Variants in FSTL1 observed in about 807,000 individuals in gnomAD.
The protein encoded by FSTL1 is follistatin-related protein 1.
Under a neutral mutation model 45.9 loss-of-function variants are expected in FSTL1, and 24 were observed. That is an observed-to-expected ratio of 0.52 (90% CI 0.38 to 0.74). FSTL1 has a LOEUF of 0.74. Among genes scored for constraint, FSTL1 ranks in the 30% least tolerant of loss-of-function variants. The pLI is 0.00. For synonymous variants in FSTL1, 120 were observed against 137.6 expected, an observed-to-expected ratio of 0.87 and a Z score of 0.89; for missense variants, 340 against 381.8, an observed-to-expected ratio of 0.89 and a Z score of 0.91.
chr3:120,415,182 T>C (rs1341885997), intron 3 of FSTL1, among the ~76,000 whole-genome samples: 2 of 151,518 alleles, frequency 1.3e-5, no homozygotes, highest in African/African-American at 4.8e-5. Flanking sequence ...TTTTAAAAAT[T>C]TGCATATCCT....
intron 6 of FSTL1, 135 bp from the exon 7 acceptor site, chr3:120,405,106 T>A (rs1147701): frequency 0.97 from 601,813 of 621,812 alleles, 291,352 homozygotes; most frequent in East Asian, 1. Context: ...TCAGAGGGCC[T>A]TGGCAACAAA....
chr3:120,403,955 A>C (rs1936890240), intron 7 of FSTL1, among the ~76,000 whole-genome samples: 1 of 89,582 alleles, frequency 1.1e-5, no homozygotes, highest in Non-Finnish European at 2.3e-5. Context: ...CAAAAACAAA[A>C]CAAAACAAAA....
At position 120,411,901 on chromosome 3, in the gene FSTL1, C is replaced by A. The variant is rs751760368; in HGVS notation, c.251G>T (p.Cys84Phe). Residue 84 changes from cysteine (C) to phenylalanine (F), a missense_variant, in exon 4 of 11, where the codon TGC becomes TTC. Transcript: ENST00000295633. ...LNHCELHRDA[C>F]LTGSKIQVDY... is the part of the protein sequence containing the mutation. ...AACCTGGATTTTGGATCCAGTGAGG[C>A]AGGCATCTCGATGCAGTTCACAGTG... The A allele has an allele frequency of 2.5e-6, 4 of 1,613,468 alleles. No individual in the cohort carries two copies. The South Asian group carries it at 4.4e-5, about 18-fold the overall frequency.
rs886681505 is a variant in FSTL1 at position 120,450,945 on chromosome 3, C to T, written c.-49G>A. Reference sequence around the variant, plus strand: ...GGGGCGCGGGGCAGGACGGCGGCAGCGAGCTGTAAGCGGAGGTGGGAGCTC... The same window carrying T: ...GGGGCGCGGGGCAGGACGGCGGCAGTGAGCTGTAAGCGGAGGTGGGAGCTC... On this transcript the variant is annotated 5_prime_UTR_variant, in exon 1 of 11. Transcript: ENST00000295633. The T allele has an allele frequency of 1.9e-5, 9 of 473,040 alleles. No individual in the cohort carries two copies. Among genetic ancestry groups the T allele is most frequent in the Non-Finnish European group, 3.4e-5 (9 of 268,412 alleles). The allele number at this position is 473,040 out of a possible 1,614,324, so 29.3% of individuals were successfully genotyped here.
chr3:120,402,686 C>T, intron 9 of FSTL1, 122 bp downstream of exon 9: 1 of 693,516 alleles, frequency 1.4e-6, no homozygotes. Flanking sequence ...TGTGGGTCTG[C>T]CTGGGTTCCT....
intron 2 of FSTL1, among the ~76,000 whole-genome samples, chr3:120,431,179 C>T (rs1056489405): frequency 1.3e-5 from 2 of 152,236 alleles, no homozygotes; most frequent in Middle Eastern, 3.4e-3. Context: ...ACCATGTTGG[C>T]CAGGCTGTTC....
intron 3 of FSTL1, among the ~76,000 whole-genome samples, chr3:120,412,915 G>A (rs13097755): frequency 6.6e-6 from 1 of 151,024 alleles, no homozygotes; most frequent in African/African-American, 2.4e-5. Context: ...ATCTCTTGCT[G>A]TATATACTAT....
chr3:120,427,676 G>A (rs1937404949), intron 2 of FSTL1, among the ~76,000 whole-genome samples: 1 of 152,218 alleles, frequency 6.6e-6, no homozygotes, highest in Non-Finnish European at 1.5e-5. Context: ...GAGTGTGTTT[G>A]TGCATGTGTG....
chr3:120,415,135 A>T (rs892230120), intron 3 of FSTL1, among the ~76,000 whole-genome samples: 1 of 146,802 alleles, frequency 6.8e-6, no homozygotes, highest in Non-Finnish European at 1.5e-5. Context: ...AAAAAAAAAA[A>T]CATTAAAAAA....
chr3:120,426,771 G>A (rs2107663892), intron 2 of FSTL1, among the ~76,000 whole-genome samples: 1 of 152,334 alleles, frequency 6.6e-6, no homozygotes, highest in African/African-American at 2.4e-5. Context: ...CCTGGGCACT[G>A]TTAACAAAGT....
intron 3 of FSTL1, among the ~76,000 whole-genome samples, chr3:120,412,810 ACACACATGTGCGCGCGCGCGCGCGCGCG>A (rs1240745335): frequency 1.4e-3 from 161 of 117,438 alleles, no homozygotes; most frequent in Admixed American, 5.7e-3. Flanking sequence ...AGGCAAACAC[ACACACATGTGCGCGCGCGCGCGCGCGCG>A]CACACACACA....
rs139084926 is a variant in FSTL1, at chr3:120,411,722, A to G, written c.298+132T>C. 532 of 814,364 alleles carry G rather than the reference A, an allele frequency of 6.5e-4. 1 individual carries two copies. The highest frequency in any genetic ancestry group is 1.7e-3 in the East Asian group (67 of 40,056). The allele number at this position is 814,364 out of a possible 1,614,324, so 50.4% of individuals were successfully genotyped here. ...TGACAAGAGGATGCAACTCCAACCA[A>G]CTGGGCGCTTTCCACAGCTTTGAGA... is the stretch of plus-strand genomic sequence containing the variant. On this transcript the variant is annotated intron_variant, in intron 4 of 10. Transcript: ENST00000295633.
intron 2 of FSTL1, among the ~76,000 whole-genome samples, chr3:120,429,118 G>C (rs772911537): frequency 1.3e-5 from 2 of 152,204 alleles, no homozygotes; most frequent in South Asian, 4.1e-4. Flanking sequence ...GCTTGCCCAC[G>C]CCCAGGCTCT....
At chr3:120,439,006 G>A (rs988951887) in intron 2 of FSTL1, among the ~76,000 whole-genome samples, 1 of 152,194 alleles carries the variant, frequency 6.6e-6, no homozygotes, top group African/African-American at 2.4e-5. Flanking sequence ...CTGGGGAAAC[G>A]AGTGAGGACA....
intron 2 of FSTL1, among the ~76,000 whole-genome samples, chr3:120,425,508 A>G (rs1471243404): frequency 6.6e-6 from 1 of 152,214 alleles, no homozygotes; most frequent in East Asian, 1.9e-4. Flanking sequence ...TCTGCCTCTA[A>G]CATATGGTGT....
chr3:120,422,268 G>T (rs931863611), intron 2 of FSTL1, among the ~76,000 whole-genome samples: 1 of 152,198 alleles, frequency 6.6e-6, no homozygotes, highest in Non-Finnish European at 1.5e-5. Context: ...ACAGCATGGC[G>T]ATGATAGTTA....
At chr3:120,429,389 TC>T (rs1937439204) in intron 2 of FSTL1, among the ~76,000 whole-genome samples, 1 of 152,236 alleles carries the variant, frequency 6.6e-6, no homozygotes, top group African/African-American at 2.4e-5. Flanking sequence ...TATTTTATCA[TC>T]CAAATGGGGA....
chr3:120,438,080 C>T (rs1046599092), intron 2 of FSTL1, among the ~76,000 whole-genome samples: 2 of 152,172 alleles, frequency 1.3e-5, no homozygotes, highest in South Asian at 2.1e-4. Flanking sequence ...TTCCAGAAAA[C>T]AAAATTAGGG....
chr3:120,418,818 A>T (rs1449529733), intron 2 of FSTL1, among the ~76,000 whole-genome samples: 2 of 152,202 alleles, frequency 1.3e-5, no homozygotes, highest in Non-Finnish European at 2.9e-5. Flanking sequence ...TGCAGGCAGC[A>T]CAGTGCCTGC....
Sources: allele counts gnomAD v4.1 joint callset (sites outside exome capture counted in the v4.1 genomes callset), GRCh38; gene constraint gnomAD v4.1.1; transcripts MANE v1.5; gene names NCBI Gene and HGNC (gene_info 2026-07-23, HGNC 2026-07-21).